The following PDE1A variants were observed in gnomAD, a reference collection of about 807,000 sequenced individuals.
The protein encoded by PDE1A is phosphodiesterase 1A, also known as dual specificity calcium/calmodulin-dependent 3',5'-cyclic nucleotide phosphodiesterase 1A.
In PDE1A, 35 loss-of-function variants were observed where a neutral mutation model predicts 61.7. That is an observed-to-expected ratio of 0.57 (90% confidence interval 0.43 to 0.75). The LOEUF (loss-of-function observed/expected upper bound fraction) is 0.75. PDE1A is among the 30% of genes least tolerant of loss of function. The pLI is 0.00. For synonymous variants in PDE1A, 232 were observed against 213.2 expected (o/e 1.09, Z -0.77); for missense variants, 597 against 630.6 (o/e 0.95, Z 0.57).
At chr2:182,526,915 T>C (rs1473562035), upstream of PDE1A, among the ~76,000 whole-genome samples, 2 of 152,154 alleles carry the variant, frequency 1.3e-5, no homozygotes, top group Admixed American at 6.5e-5. Context: ...TCTGTTGCTA[T>C]GTTTCTGATT....
At chr2:182,703,786 C>T in the PDE1A span, among the ~76,000 whole-genome samples, 2 of 152,134 alleles carry the variant, frequency 1.3e-5, no homozygotes, top group Non-Finnish European at 2.9e-5. Context: ...AAATAAAATA[C>T]ATAAAGTACC....
At chr2:182,462,259 C>G (rs922849516) in intron 2 of PDE1A, among the ~76,000 whole-genome samples, 3 of 151,648 alleles carry the variant, frequency 2.0e-5, no homozygotes, top group African/African-American at 7.3e-5. Context: ...ACATATGTAA[C>G]AAACCTGCAC....
chr2:182,303,113 T>A (rs1333439281), intron 1 of PDE1A, among the ~76,000 whole-genome samples: 1 of 152,246 alleles, frequency 6.6e-6, no homozygotes, highest in East Asian at 1.9e-4. Flanking sequence ...TTCCTGTTAA[T>A]GTTTATGTTT....
intron 13 of PDE1A, among the ~76,000 whole-genome samples, chr2:182,180,630 C>T (rs970232925): frequency 2.6e-5 from 4 of 152,042 alleles, no homozygotes; most frequent in Non-Finnish European, 4.4e-5. Context: ...GAATGTTGGC[C>T]TGTCTTGCTA....
At chr2:182,351,410 G>A (rs1047625244) in intron 1 of PDE1A, among the ~76,000 whole-genome samples, 1 of 152,116 alleles carries the variant, frequency 6.6e-6, no homozygotes, top group Admixed American at 6.5e-5. Context: ...TTTCTTAGAA[G>A]ATAACTACGA....
chr2:182,422,173 A>G (rs549915087), intron 1 of PDE1A, among the ~76,000 whole-genome samples: 1 of 152,318 alleles, frequency 6.6e-6, no homozygotes, highest in East Asian at 1.9e-4. Context: ...AACTATTTGC[A>G]TGATTTTGTT....
rs577562535 is a variant in PDE1A at position 182,230,212 on chromosome 2, T to A, written c.535-66A>T. 3 of 1,264,248 alleles carry A rather than the reference T, an allele frequency of 2.4e-6. No individual in the cohort carries two copies. The East Asian group carries it at 7.2e-5, about 30-fold the overall frequency. The allele number at this position is 1,264,248 out of a possible 1,614,324, so 78.3% of individuals were successfully genotyped here. ...AGTGGTACTAAATCAACCTGAGCAC[T>A]GTTTGTCATGGAACATATTAGTGAG... On this transcript the variant is annotated intron_variant, in intron 5 of 13. Transcript: ENST00000351439.
chr2:182,710,451 C>G, the PDE1A span, among the ~76,000 whole-genome samples: 3 of 152,132 alleles, frequency 2.0e-5, no homozygotes, highest in African/African-American at 7.2e-5. Context: ...TATTAGATCC[C>G]CAGAACATAT....
intron 2 of PDE1A, among the ~76,000 whole-genome samples, chr2:182,256,062 G>C (rs894686624): frequency 1.1e-5 from 1 of 87,990 alleles, no homozygotes; most frequent in African/African-American, 4.0e-5. Context: ...TTTTTTTCTT[G>C]TTTATTTTTC....
intron 1 of PDE1A, among the ~76,000 whole-genome samples, chr2:182,321,263 G>A (rs996478082): frequency 6.6e-5 from 10 of 152,018 alleles, no homozygotes; most frequent in Non-Finnish European, 1.3e-4. Context: ...CAGAATTTTC[G>A]AGCTCTCCTG....
At chr2:182,143,506 A>T (rs116243786), downstream of PDE1A, among the ~76,000 whole-genome samples, 8,627 of 151,854 alleles carry the variant, frequency 0.057, 355 homozygotes, top group Non-Finnish European at 0.089. Context: ...TTAATTAATT[A>T]ATTTATTTTA....
At chr2:182,222,308 A>G (rs925929331) in intron 7 of PDE1A, among the ~76,000 whole-genome samples, 4 of 151,998 alleles carry the variant, frequency 2.6e-5, no homozygotes, top group Admixed American at 2.6e-4. Flanking sequence ...TATATACTGT[A>G]TTATTTCAGC....
intron 7 of PDE1A, among the ~76,000 whole-genome samples, chr2:182,211,194 T>TC (rs1488261732): frequency 2.0e-5 from 3 of 152,352 alleles, no homozygotes; most frequent in Non-Finnish European, 4.4e-5. Context: ...ACCATAGCAG[T>TC]TTGTGTCTAG....
intron 3 of PDE1A, among the ~76,000 whole-genome samples, chr2:182,236,232 A>G (rs187242623): frequency 1.3e-5 from 2 of 152,324 alleles, no homozygotes; most frequent in Admixed American, 1.3e-4. Flanking sequence ...AAAAATACTT[A>G]TATTAATTAC....
chr2:182,537,522 T>C, the PDE1A span, among the ~76,000 whole-genome samples: 1 of 151,890 alleles, frequency 6.6e-6, no homozygotes, highest in Non-Finnish European at 1.5e-5. Context: ...AGGGGAGGGA[T>C]AGCATTAGGA....
the PDE1A span, among the ~76,000 whole-genome samples, chr2:182,697,373 T>C: frequency 5.3e-3 from 807 of 152,306 alleles, 6 homozygotes; most frequent in African/African-American, 0.019. Flanking sequence ...TGATTCTAAT[T>C]CTCACAGTAT....
At chr2:182,511,516 G>T (rs1278234232) in intron 2 of PDE1A, among the ~76,000 whole-genome samples, 2 of 152,150 alleles carry the variant, frequency 1.3e-5, no homozygotes, top group African/African-American at 4.8e-5. Flanking sequence ...GGCAGGGAGA[G>T]CTTCTTACAG....
the PDE1A span, among the ~76,000 whole-genome samples, chr2:182,601,191 G>C: frequency 6.6e-6 from 1 of 152,202 alleles, no homozygotes; most frequent in South Asian, 2.1e-4. Context: ...GGAGCTGCAA[G>C]GGGTGTGTGA....
At chr2:182,606,514 G>GT in the PDE1A span, among the ~76,000 whole-genome samples, 1 of 152,058 alleles carries the variant, frequency 6.6e-6, no homozygotes, top group Non-Finnish European at 1.5e-5. Context: ...TTCAAACCCA[G>GT]TTTTTTTCAT....
Sources: allele counts gnomAD v4.1 joint callset (sites outside exome capture counted in the v4.1 genomes callset), GRCh38; gene constraint gnomAD v4.1.1; transcripts MANE v1.5; gene names NCBI Gene and HGNC (gene_info 2026-07-23, HGNC 2026-07-21).